Variants in UBR3 observed in about 807,000 individuals in gnomAD.
UBR3 encodes ubiquitin protein ligase E3 component n-recognin 3.
Under a neutral mutation model 243.2 loss-of-function variants are expected in UBR3, and 85 were observed. That is an observed-to-expected ratio of 0.35 (90% CI 0.29 to 0.42). The LOEUF (loss-of-function observed/expected upper bound fraction) is 0.42. Ranked by LOEUF, UBR3 falls within the 10% of genes least tolerant of loss-of-function variation. The pLI is 1.00. For synonymous variants in UBR3, 748 were observed against 799.8 expected (o/e 0.94, Z 1.09); for missense variants, 1,686 against 2,300.8 (o/e 0.73, Z 5.47).
At chr2:170,051,635 G>A (rs1025898961) in intron 32 of UBR3, among the ~76,000 whole-genome samples, 4 of 152,100 alleles carry the variant, frequency 2.6e-5, no homozygotes, top group Non-Finnish European at 4.4e-5. Flanking sequence ...GTGAGCCACC[G>A]CGCCCGGCCA....
At chr2:169,973,953 G>A (rs2088297287) in intron 24 of UBR3, among the ~76,000 whole-genome samples, 1 of 152,120 alleles carries the variant, frequency 6.6e-6, no homozygotes, top group Admixed American at 6.5e-5. Flanking sequence ...TGAGATGATT[G>A]TATAATTTTT....
At chr2:169,857,426 A>G (rs1359110728) in intron 1 of UBR3, among the ~76,000 whole-genome samples, 1 of 150,016 alleles carries the variant, frequency 6.7e-6, no homozygotes, top group African/African-American at 2.5e-5. Flanking sequence ...TTATTTATTT[A>G]TTTTTTTGAG....
chr2:169,850,113 G>T (rs952328222), intron 1 of UBR3, among the ~76,000 whole-genome samples: 9 of 147,252 alleles, frequency 6.1e-5, no homozygotes, highest in African/African-American at 2.2e-4. Flanking sequence ...ACTTTGGGTT[G>T]TAAGTCAACT....
At chr2:169,963,041 G>A (rs916634973) in intron 24 of UBR3, among the ~76,000 whole-genome samples, 6 of 152,134 alleles carry the variant, frequency 3.9e-5, no homozygotes, top group Non-Finnish European at 7.3e-5. Context: ...TAACATTCAC[G>A]TTAGAAGCCC....
chr2:169,968,507 G>A (rs940177588), intron 24 of UBR3, among the ~76,000 whole-genome samples: 4 of 152,058 alleles, frequency 2.6e-5, no homozygotes, highest in African/African-American at 7.2e-5. Context: ...TTCCATCCAT[G>A]TTGCTGTAAA....
rs1364035685 is a variant in UBR3, at chr2:170,082,330, A to G, written c.*487A>G. Reference sequence around the variant, plus strand: ...TAGAAAAAAATGTAAAACATGATTTATGTGAAATACTGTATAGTAAAAGTT... The same window carrying G: ...TAGAAAAAAATGTAAAACATGATTTGTGTGAAATACTGTATAGTAAAAGTT... On this transcript the variant is annotated 3_prime_UTR_variant, in exon 39 of 39. Coordinates refer to ENST00000272793, the MANE Select transcript of UBR3 (RefSeq NM_172070.4). 1 of 152,746 alleles carries G rather than the reference A, an allele frequency of 6.5e-6. No homozygotes were observed. The highest frequency in any genetic ancestry group is 1.5e-5 in the Non-Finnish European group (1 of 68,114). 9.5% of individuals were successfully genotyped at this position (152,746 alleles called of 1,614,324 possible). A position where few individuals can be genotyped will look rare whatever the true frequency, so the allele number is the denominator to read the frequency against.
intron 1 of UBR3, among the ~76,000 whole-genome samples, chr2:169,832,030 G>A (rs2081956736): frequency 6.6e-6 from 1 of 152,128 alleles, no homozygotes; most frequent in Non-Finnish European, 1.5e-5. Flanking sequence ...CCTGTAGGAT[G>A]TTCTTGATTG....
chr2:169,847,391 G>T (rs1489442206), intron 1 of UBR3, among the ~76,000 whole-genome samples: 1 of 151,590 alleles, frequency 6.6e-6, no homozygotes, highest in African/African-American at 2.4e-5. Context: ...TCTCTTTATG[G>T]TTTATAGTAT....
intron 13 of UBR3, 53 bp downstream of exon 13, chr2:169,924,226 T>C: frequency 7.4e-7 from 1 of 1,346,522 alleles, no homozygotes; most frequent in Non-Finnish European, 1.0e-6. Context: ...GTTTAAGTGA[T>C]TCTTCCTTTA....
At chr2:170,050,462 C>T (rs1213741489) in intron 32 of UBR3, among the ~76,000 whole-genome samples, 3 of 152,014 alleles carry the variant, frequency 2.0e-5, no homozygotes, top group Non-Finnish European at 1.5e-5. Context: ...GTGCTCTTCC[C>T]CTAGGGATTT....
chr2:169,985,223 T>C (rs901861685), intron 24 of UBR3, among the ~76,000 whole-genome samples: 1 of 117,004 alleles, frequency 8.5e-6, no homozygotes, highest in African/African-American at 3.1e-5. Flanking sequence ...TCAACTCTTT[T>C]CTTTTTTTTT....
intron 17 of UBR3, 101 bp downstream of exon 17, chr2:169,927,506 G>A (rs1292508792): frequency 4.5e-6 from 4 of 885,992 alleles, no homozygotes; most frequent in Non-Finnish European, 6.6e-6. Flanking sequence ...TTTTTTCAAA[G>A]TTGAAAAATA....
intron 1 of UBR3, among the ~76,000 whole-genome samples, chr2:169,836,023 CTCTCTCTCTCTCTCTCTCTCTATATA>C (rs1446206926): frequency 1.5e-3 from 43 of 29,064 alleles, no homozygotes; most frequent in African/African-American, 1.9e-3. Context: ...CTCTCTCTCT[CTCTCTCTCTCTCTCTCTCTCTATATA>C]TATATATATA....
At chr2:169,874,791 G>A (rs1195589771) in intron 2 of UBR3, among the ~76,000 whole-genome samples, 18 of 152,162 alleles carry the variant, frequency 1.2e-4, no homozygotes, top group Admixed American at 1.0e-3. Flanking sequence ...AATGTTGAAT[G>A]AAATGGACAT....
At chr2:169,890,563 A>ATGTGTG (rs1553504516) in intron 5 of UBR3, among the ~76,000 whole-genome samples, 18 of 83,920 alleles carry the variant, frequency 2.1e-4, no homozygotes, top group South Asian at 4.2e-4. Context: ...ATATATATAT[A>ATGTGTG]TGTGTATATA....
At chr2:169,917,474 A>C (rs1335629163) in intron 11 of UBR3, among the ~76,000 whole-genome samples, 1 of 152,234 alleles carries the variant, frequency 6.6e-6, no homozygotes, top group African/African-American at 2.4e-5. Context: ...AATTATACAC[A>C]AGAAAATGAT....
chr2:169,996,207 T>G (rs2089471961), intron 26 of UBR3, among the ~76,000 whole-genome samples: 1 of 152,204 alleles, frequency 6.6e-6, no homozygotes, highest in East Asian at 1.9e-4. Flanking sequence ...TTCTGGTGGC[T>G]TCTGCAGGAG....
At chr2:169,963,807 T>A (rs1228901460) in intron 24 of UBR3, among the ~76,000 whole-genome samples, 1 of 152,196 alleles carries the variant, frequency 6.6e-6, no homozygotes, top group East Asian at 1.9e-4. Context: ...TTTTTTCTTA[T>A]GAAAAATTCC....
chr2:169,943,180 G>A (rs2086655599), intron 20 of UBR3, among the ~76,000 whole-genome samples: 1 of 152,146 alleles, frequency 6.6e-6, no homozygotes, highest in Non-Finnish European at 1.5e-5. Flanking sequence ...TTTATTTTGG[G>A]ATCTTCTCAC....
Sources: gnomAD v4.1 joint callset for allele counts (sites outside exome capture counted in the v4.1 genomes callset) on GRCh38, gnomAD v4.1.1 for gene constraint, MANE v1.5 for transcripts, NCBI Gene and HGNC (gene_info 2026-07-23, HGNC 2026-07-21) for gene names.